The following CEP89 variants were observed in gnomAD, a reference collection of about 807,000 sequenced individuals.
CEP89 encodes the protein centrosomal protein of 89 kDa.
In CEP89, 95 loss-of-function variants were observed where a neutral mutation model predicts 97.6. That is an observed-to-expected ratio of 0.97 (90% CI 0.82 to 1.15). The LOEUF is 1.15. Among genes scored for constraint, CEP89 ranks in the 50% most tolerant of loss-of-function variants. CEP89 has a pLI of 0.00. For synonymous variants in CEP89, 354 were observed against 349.1 expected, an observed-to-expected ratio of 1.01 and a Z score of -0.16; for missense variants, 869 against 947.7, an observed-to-expected ratio of 0.92 and a Z score of 1.09.
intron 15 of CEP89, among the ~76,000 whole-genome samples, chr19:32,900,246 A>ATTTTTTTT (rs55730702): frequency 7.5e-6 from 1 of 133,970 alleles, no homozygotes. Flanking sequence ...GAATAGGTTC[A>ATTTTTTTT]TTTTTTTTTT....
chr19:32,919,662 T>A (rs527490151), intron 12 of CEP89, among the ~76,000 whole-genome samples: 1 of 152,330 alleles, frequency 6.6e-6, no homozygotes, highest in Non-Finnish European at 1.5e-5. Context: ...GTCTGTTTTA[T>A]GTTTTAGACT....
chr19:32,882,050 T>C (rs1187526580), intron 17 of CEP89, 37 bp from the exon 18 acceptor site: 6 of 1,537,598 alleles, frequency 3.9e-6, no homozygotes, highest in Non-Finnish European at 5.3e-6. Context: ...GAGGGGACGC[T>C]GCCAGGCCAG....
At position 32,923,585 on chromosome 19, in the gene CEP89, G is replaced by A. The variant is rs189696526; in HGVS notation, c.1165-43C>T. 2.0e-3 allele frequency: 2,448 copies of A among 1,195,196 alleles called. 4 individuals are homozygous for A. The highest frequency in any genetic ancestry group is 2.8e-3 in the Non-Finnish European group (2,227 of 802,788). 74.0% of individuals were successfully genotyped at this position (1,195,196 alleles called of 1,614,324 possible). A position where few individuals can be genotyped will look rare whatever the true frequency, so the allele number is the denominator to read the frequency against. ...TAAATTATAACACACACATACCCAC[G>A]CATCTATATTTCTCAGTTCTGGTGC... On this transcript the variant is annotated intron_variant, in intron 11 of 18. Coordinates refer to ENST00000305768, the MANE Select transcript of CEP89 (RefSeq NM_032816.5).
intron 3 of CEP89, among the ~76,000 whole-genome samples, chr19:32,957,354 T>G (rs1971069874): frequency 1.3e-5 from 2 of 152,152 alleles, no homozygotes; most frequent in South Asian, 2.1e-4. Context: ...GTGGATTTAA[T>G]CGGAAATAGT....
rs551545991 is a variant in CEP89 at position 32,949,891 on chromosome 19, G to A, written c.493-1523C>T. ...CGCCCATGAGAAGGGGCATTTCAGA[G>A]TAAGAGCTAAGGCTGCTACGTCCAC... On this transcript the variant is annotated intron_variant, in intron 4 of 18. Coordinates refer to ENST00000305768, the MANE Select transcript of CEP89 (RefSeq NM_032816.5). Among the ~76,000 whole-genome samples, 212 of 152,274 alleles carry A rather than the reference G, an allele frequency of 1.4e-3. 1 individual carries two copies. Among genetic ancestry groups the A allele is most frequent in the African/African-American group, 4.9e-3 (203 of 41,564 alleles).
chr19:32,951,511 TTATATATATATATA>T (rs72440449), intron 4 of CEP89, among the ~76,000 whole-genome samples: 21,470 of 131,882 alleles, frequency 0.16, 1,704 homozygotes, highest in East Asian at 0.28. Flanking sequence ...CAACAAAAAA[TTATATATATATATA>T]TATATATATA....
rs1484395203 is a variant in CEP89, at chr19:32,915,378, G to A, written c.1524C>T (p.Ile508=). The part of the protein sequence containing the change: ...QELKTHSDGK[I]AVEVHKSIVN... ...CAATTGATTTATGAACTTCCACTGC[G>A]ATTTTGCCATCCGAGTGTGTTTTGA... Residue 508 remains isoleucine, a synonymous_variant, in exon 14 of 19, where the codon ATC becomes ATT. Transcript: ENST00000305768. 3.7e-6 allele frequency: 6 copies of A among 1,611,080 alleles called. No homozygotes were observed. The highest frequency in any genetic ancestry group is 1.3e-5 in the African/African-American group (1 of 74,692).
intron 1 of CEP89, chr19:32,971,516 G>A (rs956807165): frequency 5.4e-6 from 3 of 556,518 alleles, no homozygotes; most frequent in Non-Finnish European, 9.6e-6. Context: ...AATTAGCCGG[G>A]AGTAGTGGCG....
chr19:32,959,899 C>T lies in CEP89; in HGVS notation c.305+1G>A. On this transcript the variant is annotated splice_donor_variant, in intron 3 of 18. Transcript: ENST00000305768. LOFTEE classifies it high-confidence loss of function. ...AGCAGAGGCGGCGATCTGGTACCTA[C>T]CGAGGCCTCAGCTGTGAGGTGGTGG... 1 of 1,614,154 alleles carries T rather than the reference C, an allele frequency of 6.2e-7. No homozygotes were observed. Among genetic ancestry groups the T allele is most frequent in the South Asian group, 1.1e-5 (1 of 91,066 alleles).
chr19:32,961,486 G>A (rs867545476), intron 2 of CEP89, among the ~76,000 whole-genome samples: 1 of 151,160 alleles, frequency 6.6e-6, no homozygotes, highest in Non-Finnish European at 1.5e-5. Context: ...GGCTGAGGCA[G>A]GAGAATGGCG....
intron 14 of CEP89, among the ~76,000 whole-genome samples, chr19:32,911,482 G>A (rs1182954618): frequency 6.6e-6 from 1 of 152,124 alleles, no homozygotes; most frequent in Non-Finnish European, 1.5e-5. Context: ...GTGAAATCCT[G>A]TCTCTAATAA....
intron 2 of CEP89, among the ~76,000 whole-genome samples, chr19:32,963,225 G>A (rs1971205348): frequency 6.6e-6 from 1 of 152,052 alleles, no homozygotes; most frequent in South Asian, 2.1e-4. Flanking sequence ...GTGTGGTGGT[G>A]CATGCCTGTA....
chr19:32,926,403 C>G (rs3813151), intron 10 of CEP89, 130 bp from the exon 11 acceptor site: 305,167 of 690,766 alleles, frequency 0.44, 70,092 homozygotes, highest in East Asian at 0.66. Flanking sequence ...TGTTTTTTAA[C>G]GACTCTCCCA....
intron 5 of CEP89, among the ~76,000 whole-genome samples, chr19:32,941,479 C>T (rs552145070): frequency 1.0e-3 from 157 of 151,902 alleles, no homozygotes; most frequent in East Asian, 7.8e-4. Context: ...CTCCAGCCTG[C>T]GCAACAGAGC....
At chr19:32,908,457 G>A (rs529362726) in intron 14 of CEP89, among the ~76,000 whole-genome samples, 19 of 152,332 alleles carry the variant, frequency 1.2e-4, no homozygotes, top group African/African-American at 4.6e-4. Context: ...ACCCTAATGG[G>A]CTGTCCCGCG....
chr19:32,906,155 C>T (rs1445953042), intron 14 of CEP89, among the ~76,000 whole-genome samples: 4 of 152,154 alleles, frequency 2.6e-5, no homozygotes, highest in African/African-American at 7.2e-5. Flanking sequence ...CTGTGACATT[C>T]TTTGTCTTTT....
intron 6 of CEP89, 140 bp downstream of exon 6, chr19:32,939,717 A>T: frequency 1.9e-6 from 1 of 512,856 alleles, no homozygotes; most frequent in Non-Finnish European, 3.6e-6. Flanking sequence ...TTCAACAGGA[A>T]AGAACTCTTA....
In CEP89 at chr19:32,892,115, TACATATATTTAGACATATATATTTAGAC is replaced by T. The variant is rs1568546275; in HGVS notation, c.1876-4302_1876-4275del. Among the ~76,000 whole-genome samples, 2 of 146,566 alleles carry T rather than the reference TACATATATTTAGACATATATATTTAGAC, an allele frequency of 1.4e-5. 1 individual carries two copies. Among genetic ancestry groups the T allele is most frequent in the African/African-American group, 5.0e-5 (2 of 40,002 alleles). ...AAATATATATATATATATTTAGACA[TACATATATTTAGACATATATATTTAGAC>T]ATATATATATTTAGACATACATATA... On this transcript the variant is annotated intron_variant, in intron 16 of 18. Coordinates refer to ENST00000305768, the MANE Select transcript of CEP89 (RefSeq NM_032816.5).
Position 32,879,128 on chromosome 19 carries a change from C to A in CEP89, c.*34G>T, listed in dbSNP as rs1969222855. On this transcript the variant is annotated 3_prime_UTR_variant, in exon 19 of 19. Coordinates refer to ENST00000305768, the MANE Select transcript of CEP89 (RefSeq NM_032816.5). Reference sequence around the variant, plus strand: ...GCCTGTGTGAGGCAGACCTTTCAGGCCAGAGGAGGCTACACCACGGGCTCC... The same window carrying A: ...GCCTGTGTGAGGCAGACCTTTCAGGACAGAGGAGGCTACACCACGGGCTCC... 3.2e-6 allele frequency: 5 copies of A among 1,549,574 alleles called. No homozygotes were observed. Among genetic ancestry groups the A allele is most frequent in the Non-Finnish European group, 3.5e-6 (4 of 1,140,270 alleles).
Sources: allele counts gnomAD v4.1 joint callset (sites outside exome capture counted in the v4.1 genomes callset), GRCh38; gene constraint gnomAD v4.1.1; transcripts MANE v1.5; gene names NCBI Gene and HGNC (gene_info 2026-07-23, HGNC 2026-07-21).